Variants in DENND1A observed in about 807,000 individuals in gnomAD.
The protein encoded by DENND1A is DENN domain-containing protein 1A.
In DENND1A, 51 loss-of-function variants were observed where a neutral mutation model predicts 113.7. The ratio of observed to expected loss-of-function variants is 0.45; its 90% confidence interval spans 0.36 to 0.57. The LOEUF is 0.57. DENND1A is among the 20% of genes least tolerant of loss of function. The pLI is 0.00. For missense variants in DENND1A, 1,258 were observed against 1,395.9 expected, an observed-to-expected ratio of 0.90 and a Z score of 1.57; for synonymous variants, 565 against 570.8, an observed-to-expected ratio of 0.99 and a Z score of 0.14.
At chr9:123,677,601 T>C (rs967660388) in intron 5 of DENND1A, among the ~76,000 whole-genome samples, 1 of 152,060 alleles carries the variant, frequency 6.6e-6, no homozygotes, top group Non-Finnish European at 1.5e-5. Context: ...GCCTGGCTAA[T>C]TTTTGTATTT....
intron 12 of DENND1A, 146 bp downstream of exon 12, chr9:123,583,023 C>T (rs1156558817): frequency 1.7e-6 from 1 of 588,098 alleles, no homozygotes; most frequent in Admixed American, 3.2e-5. Context: ...TACACTGAGA[C>T]AAAGGTTTCA....
chr9:123,881,921 A>T (rs886990331), intron 1 of DENND1A, among the ~76,000 whole-genome samples: 1 of 152,172 alleles, frequency 6.6e-6, no homozygotes, highest in Non-Finnish European at 1.5e-5. Flanking sequence ...TCGGCCTGTC[A>T]ATAGCATTTG....
intron 3 of DENND1A, among the ~76,000 whole-genome samples, chr9:123,779,542 C>T (rs1481216704): frequency 1.3e-5 from 2 of 152,172 alleles, no homozygotes; most frequent in Non-Finnish European, 1.5e-5. Flanking sequence ...CTGTGTTGCC[C>T]ATGCTGGAGG....
intron 5 of DENND1A, among the ~76,000 whole-genome samples, chr9:123,716,662 C>T (rs898433033): frequency 6.6e-6 from 1 of 152,198 alleles, no homozygotes; most frequent in African/African-American, 2.4e-5. Flanking sequence ...ATAATTTAAG[C>T]TTGCAAAAAG....
At chr9:123,887,913 T>A (rs111522402) in intron 1 of DENND1A, among the ~76,000 whole-genome samples, 2 of 152,190 alleles carry the variant, frequency 1.3e-5, no homozygotes, top group African/African-American at 2.4e-5. Context: ...GATATTAGAA[T>A]GTGCTCAAGG....
intron 13 of DENND1A, among the ~76,000 whole-genome samples, chr9:123,505,988 C>T (rs2052896988): frequency 6.6e-6 from 1 of 151,994 alleles, no homozygotes; most frequent in South Asian, 2.1e-4. Flanking sequence ...AGTGTGCCCC[C>T]TTCATGCGCC....
intron 1 of DENND1A, among the ~76,000 whole-genome samples, chr9:123,897,943 C>G (rs1247790721): frequency 7.6e-6 from 1 of 132,110 alleles, no homozygotes; most frequent in Non-Finnish European, 1.6e-5. Context: ...CTGTCTCAAG[C>G]GGAAAAAAAA....
chr9:123,711,526 T>A (rs899662696), intron 5 of DENND1A, among the ~76,000 whole-genome samples: 2 of 143,948 alleles, frequency 1.4e-5, no homozygotes, highest in African/African-American at 5.2e-5. Context: ...TATATATATA[T>A]ATATATATAT....
At chr9:123,829,853 A>C (rs1487869970) in intron 2 of DENND1A, among the ~76,000 whole-genome samples, 3 of 152,126 alleles carry the variant, frequency 2.0e-5, no homozygotes, top group Non-Finnish European at 4.4e-5. Context: ...AAGAGGAAAC[A>C]CTCGTTTTGA....
chr9:123,620,632 A>T (rs548237906), intron 10 of DENND1A, among the ~76,000 whole-genome samples: 2 of 152,252 alleles, frequency 1.3e-5, no homozygotes, highest in African/African-American at 4.8e-5. Context: ...TCAGTTGAGG[A>T]ATTACCTAAC....
intron 13 of DENND1A, among the ~76,000 whole-genome samples, chr9:123,553,956 C>T (rs1054901296): frequency 5.3e-5 from 8 of 152,150 alleles, no homozygotes; most frequent in African/African-American, 1.9e-4. Flanking sequence ...CAGGATGTCA[C>T]CACGTTGGCC....
chr9:123,710,560 C>CACACACACAT lies in DENND1A; in HGVS notation c.303-33772_303-33771insATGTGTGTGT, dbSNP rs60092060. On this transcript the variant is annotated intron_variant, in intron 5 of 23. Transcript: ENST00000394215. ...ACACACACACACACACACACACACA[C>CACACACACAT]TGGCATCATACAAATTTGCTTTGAG... Among the ~76,000 whole-genome samples the CACACACACAT allele has an allele frequency of 8.3e-4, 124 of 148,982 alleles. 6 individuals carry two copies. Among genetic ancestry groups the CACACACACAT allele is most frequent in the South Asian group, 3.6e-3 (17 of 4,736 alleles).
rs1333665892 is a variant in DENND1A, at chr9:123,817,984, A to G, written c.89-25354T>C. 4.6e-5 allele frequency among the ~76,000 whole-genome samples: 7 copies of G among 151,750 alleles called. 1 individual carries two copies. The East Asian group carries it at 9.8e-4, about 21-fold the overall frequency. Reference sequence around the variant, plus strand: ...GGAAGTTGCGGTGAGCCGACATCACACCACTGCACTCCAGCCTGACCAACA... The same window carrying G: ...GGAAGTTGCGGTGAGCCGACATCACGCCACTGCACTCCAGCCTGACCAACA... On this transcript the variant is annotated intron_variant, in intron 2 of 23. Coordinates refer to ENST00000394215, the MANE Select transcript of DENND1A (RefSeq NM_001352964.2).
At chr9:123,874,432 C>T (rs1018020755) in intron 2 of DENND1A, among the ~76,000 whole-genome samples, 2 of 151,982 alleles carry the variant, frequency 1.3e-5, no homozygotes. Context: ...TAAAAATGAG[C>T]AAGTAGCCTG....
chr9:123,613,554 A>C (rs2060511315), intron 10 of DENND1A, among the ~76,000 whole-genome samples: 1 of 152,252 alleles, frequency 6.6e-6, no homozygotes, highest in Non-Finnish European at 1.5e-5. Context: ...CTTCAGTAAT[A>C]GCAAATGTAT....
intron 1 of DENND1A, among the ~76,000 whole-genome samples, chr9:123,910,517 T>C (rs1853761363): frequency 6.6e-6 from 1 of 152,208 alleles, no homozygotes; most frequent in South Asian, 2.1e-4. Context: ...ACAAAGCTTC[T>C]AGGATAAAAC....
At chr9:123,471,679 C>T (rs915312724) in intron 13 of DENND1A, among the ~76,000 whole-genome samples, 1 of 152,204 alleles carries the variant, frequency 6.6e-6, no homozygotes. Flanking sequence ...TCTTGAGCCT[C>T]ATCTTAGAGA....
intron 4 of DENND1A, among the ~76,000 whole-genome samples, chr9:123,761,124 T>TA (rs972032347): frequency 1.3e-5 from 2 of 152,254 alleles, no homozygotes; most frequent in Non-Finnish European, 2.9e-5. Context: ...ACTCTCTTTT[T>TA]ATTCCTATTA....
Position 123,380,429 on chromosome 9 carries a change from A to C in DENND1A, c.*1003T>G, listed in dbSNP as rs1441644717. On this transcript the variant is annotated 3_prime_UTR_variant, in exon 24 of 24. Coordinates refer to ENST00000394215, the MANE Select transcript of DENND1A (RefSeq NM_001352964.2). The stretch of plus-strand genomic sequence containing the variant: ...CTCCTCCTGCTTCCCCGAGGCAGAG[A>C]CCAAGTTTGTCCTTTCTACCTGGCC... 6.6e-6 allele frequency: 1 copy of C among 152,456 alleles called. No individual in the cohort carries two copies. The highest frequency in any genetic ancestry group is 2.4e-5 in the African/African-American group (1 of 41,430). 9.4% of individuals were successfully genotyped at this position (152,456 alleles called of 1,614,324 possible). A position where few individuals can be genotyped will look rare whatever the true frequency, so the allele number is the denominator to read the frequency against.
Sources: gnomAD v4.1 joint callset for allele counts (sites outside exome capture counted in the v4.1 genomes callset) on GRCh38, gnomAD v4.1.1 for gene constraint, MANE v1.5 for transcripts, NCBI Gene and HGNC (gene_info 2026-07-23, HGNC 2026-07-21) for gene names.